CNTNAP2: variants seen among roughly 807,000 people sequenced by gnomAD.
CNTNAP2 encodes the protein contactin associated protein 2.
A neutral mutation model predicts 155.2 loss-of-function variants in CNTNAP2; 98 were observed. The ratio of observed to expected loss-of-function variants is 0.63; its 90% CI spans 0.54 to 0.75. The LOEUF (loss-of-function observed/expected upper bound fraction) is 0.75, where lower values mean the gene tolerates loss of function less well. Ranked by LOEUF, CNTNAP2 falls within the 30% of genes least tolerant of loss-of-function variation. The pLI is 0.00. For missense variants in CNTNAP2, 1,727 were observed against 1,688.1 expected (o/e 1.02, Z -0.40); for synonymous variants, 651 against 631.2 (o/e 1.03, Z -0.47).
At chr7:146,476,477 T>A (rs1420276190) in intron 1 of CNTNAP2, among the ~76,000 whole-genome samples, 4 of 152,146 alleles carry the variant, frequency 2.6e-5, no homozygotes, top group Non-Finnish European at 4.4e-5. Flanking sequence ...TGATTTTTTT[T>A]ATTTCTTTTT....
intron 1 of CNTNAP2, among the ~76,000 whole-genome samples, chr7:146,259,179 T>C (rs1799883593): frequency 6.6e-6 from 1 of 152,202 alleles, no homozygotes; most frequent in Admixed American, 6.5e-5. Flanking sequence ...TCCCCAATCA[T>C]GCATAACTGT....
intron 14 of CNTNAP2, among the ~76,000 whole-genome samples, chr7:147,955,641 A>C (rs1394856261): frequency 6.6e-6 from 1 of 152,160 alleles, no homozygotes; most frequent in African/African-American, 2.4e-5. Flanking sequence ...TCTATAGTAC[A>C]GAATCAGAGG....
chr7:146,578,568 T>C (rs1798561140), intron 1 of CNTNAP2, among the ~76,000 whole-genome samples: 1 of 152,168 alleles, frequency 6.6e-6, no homozygotes, highest in Non-Finnish European at 1.5e-5. Flanking sequence ...ACATTCAGAG[T>C]ACTTAAAATT....
chr7:147,164,532 A>G (rs1802083263), intron 8 of CNTNAP2, among the ~76,000 whole-genome samples: 1 of 152,216 alleles, frequency 6.6e-6, no homozygotes, highest in South Asian at 2.1e-4. Flanking sequence ...TACACTGTGA[A>G]CCATAAGAGA....
At chr7:147,631,594 T>A (rs1031688050) in intron 12 of CNTNAP2, among the ~76,000 whole-genome samples, 1 of 152,152 alleles carries the variant, frequency 6.6e-6, no homozygotes, top group African/African-American at 2.4e-5. Flanking sequence ...TACAAGGCTA[T>A]AGAGACCAAA....
chr7:146,981,916 G>C (rs981713392), intron 3 of CNTNAP2, among the ~76,000 whole-genome samples: 1 of 152,112 alleles, frequency 6.6e-6, no homozygotes, highest in Non-Finnish European at 1.5e-5. Flanking sequence ...TATAATCTTC[G>C]TCACAAATAT....
In CNTNAP2 at chr7:146,665,800, A is replaced by AAAAAAAAAAAAAAAAAAAC. The variant is rs1563179456; in HGVS notation, c.98-108471_98-108470insAAAAAAAAAAAAAAAAAAC. On this transcript the variant is annotated intron_variant, in intron 1 of 23. Transcript: ENST00000361727. Reference sequence around the variant, plus strand: ...TGTCTCATTAAAAAAAAAAAAAAATACATTTTGTAACTGATTTCTATTTTT... The same window carrying AAAAAAAAAAAAAAAAAAAC: ...TGTCTCATTAAAAAAAAAAAAAAATAAAAAAAAAAAAAAAAAAACCATTTTGTAACTGATTTCTATTTTT... 6.1e-4 allele frequency among the ~76,000 whole-genome samples: 89 copies of AAAAAAAAAAAAAAAAAAAC among 144,782 alleles called. 2 individuals are homozygous for AAAAAAAAAAAAAAAAAAAC. Among genetic ancestry groups the AAAAAAAAAAAAAAAAAAAC allele is most frequent in the African/African-American group, 2.3e-3 (86 of 37,394 alleles). The allele number at this position is 144,782 out of a possible 152,430, so 95.0% of individuals were successfully genotyped here.
intron 1 of CNTNAP2, among the ~76,000 whole-genome samples, chr7:146,549,900 A>G (rs1798089239): frequency 2.0e-5 from 3 of 152,064 alleles, no homozygotes; most frequent in Non-Finnish European, 2.9e-5. Flanking sequence ...CTGCAGTAGA[A>G]TCAACACTGT....
chr7:146,959,194 A>AT (rs1273594381), intron 3 of CNTNAP2, among the ~76,000 whole-genome samples: 1 of 151,690 alleles, frequency 6.6e-6, no homozygotes, highest in Non-Finnish European at 1.5e-5. Context: ...TAATTTTTGT[A>AT]TTTTTAGTAC....
At chr7:147,672,569 T>A (rs1004581917) in intron 13 of CNTNAP2, 14 of 152,048 alleles carry the variant, frequency 9.2e-5, no homozygotes, top group African/African-American at 3.4e-4. Context: ...TTAAAGCCGG[T>A]AAAAGACCTT....
At chr7:147,838,971 C>A (rs1021788856) in intron 13 of CNTNAP2, among the ~76,000 whole-genome samples, 11 of 152,252 alleles carry the variant, frequency 7.2e-5, no homozygotes, top group African/African-American at 2.6e-4. Context: ...TATTGACTCA[C>A]ATGATCATAA....
chr7:147,559,199 C>T (rs75196544), intron 11 of CNTNAP2, among the ~76,000 whole-genome samples: 2,780 of 152,236 alleles, frequency 0.018, 89 homozygotes, highest in African/African-American at 0.064. Flanking sequence ...TGACTGAGAA[C>T]TTTTGTAGAT....
chr7:147,525,853 G>T (rs932192297), intron 11 of CNTNAP2, among the ~76,000 whole-genome samples: 5 of 152,080 alleles, frequency 3.3e-5, no homozygotes, highest in African/African-American at 1.2e-4. Flanking sequence ...TTCTTGGGGA[G>T]CATGGGTTTC....
chr7:147,601,400 C>T (rs1184323453), intron 12 of CNTNAP2, among the ~76,000 whole-genome samples: 1 of 150,270 alleles, frequency 6.7e-6, no homozygotes, highest in Non-Finnish European at 1.5e-5. Flanking sequence ...GGGTGGGGGA[C>T]ACAAGGTGCT....
chr7:146,318,179 C>T (rs1388382087), intron 1 of CNTNAP2, among the ~76,000 whole-genome samples: 1 of 151,308 alleles, frequency 6.6e-6, no homozygotes, highest in Non-Finnish European at 1.5e-5. Context: ...TTTTATCATA[C>T]TATTATTGGA....
intron 3 of CNTNAP2, among the ~76,000 whole-genome samples, chr7:146,978,773 G>C (rs1389505933): frequency 6.6e-6 from 1 of 151,636 alleles, no homozygotes; most frequent in Non-Finnish European, 1.5e-5. Context: ...ATAGAAATGA[G>C]TATTACATGT....
chr7:146,381,765 C>T lies in CNTNAP2; in HGVS notation c.97+264792C>T, dbSNP rs904551436. Among the ~76,000 whole-genome samples, 4 of 152,078 alleles carry T rather than the reference C, an allele frequency of 2.6e-5. No individual in the cohort carries two copies. In the East Asian group the frequency reaches 7.7e-4, roughly 29 times the overall value. On this transcript the variant is annotated intron_variant, in intron 1 of 23. Transcript: ENST00000361727. ...TTCATTTTATTTTGGGAAGAAATCT[C>T]AGGGACAGAAGTAAAGGACTAGAGA...
At chr7:147,272,112 C>G (rs372700818) in intron 8 of CNTNAP2, among the ~76,000 whole-genome samples, 1 of 152,132 alleles carries the variant, frequency 6.6e-6, no homozygotes, top group South Asian at 2.1e-4. Flanking sequence ...AGGCTGCTCT[C>G]GAACTCCTGA....
chr7:146,796,668 C>T (rs889314325), intron 2 of CNTNAP2, among the ~76,000 whole-genome samples: 2 of 152,012 alleles, frequency 1.3e-5, no homozygotes, highest in Non-Finnish European at 2.9e-5. Context: ...AGCTTGGCCA[C>T]TTAAAAACTG....
Sources: gnomAD v4.1 joint callset for allele counts (sites outside exome capture counted in the v4.1 genomes callset) on GRCh38, gnomAD v4.1.1 for gene constraint, MANE v1.5 for transcripts, NCBI Gene and HGNC (gene_info 2026-07-23, HGNC 2026-07-21) for gene names.